Variants in DBT observed in about 807,000 individuals in gnomAD.
The protein encoded by DBT is dihydrolipoamide branched chain transacylase E2.
A neutral mutation model predicts 51.3 loss-of-function variants in DBT; 40 were observed. That is an observed-to-expected ratio of 0.78 (90% confidence interval 0.61 to 1.02). DBT has a LOEUF of 1.02. Among genes scored for constraint, DBT ranks in the 50% least tolerant of loss-of-function variants. DBT has a pLI of 0.00. For missense variants in DBT, 510 were observed against 580.2 expected (o/e 0.88, Z 1.24); for synonymous variants, 181 against 190.4 (o/e 0.95, Z 0.41).
rs183058253 is a variant in DBT, at chr1:100,206,311, A to T, written c.1210-10T>A. Reference sequence around the variant, plus strand: ...CAAAGGTACCACCAATCTATTTTTTAAAAAAAAAAAAAGGAGAGTATTAAA... The same window carrying T: ...CAAAGGTACCACCAATCTATTTTTTTAAAAAAAAAAAAGGAGAGTATTAAA... On this transcript the variant is annotated splice_polypyrimidine_tract_variant and intron_variant, in intron 9 of 10. Coordinates refer to ENST00000370132, the MANE Select transcript of DBT (RefSeq NM_001918.5). The T allele has an allele frequency of 0.077, 72,156 of 940,948 alleles. 649 individuals carry two copies. Among genetic ancestry groups the T allele is most frequent in the South Asian group, 0.099 (5,252 of 52,994 alleles). 58.3% of individuals were successfully genotyped at this position (940,948 alleles called of 1,614,324 possible).
intron 5 of DBT, 128 bp downstream of exon 5, chr1:100,218,498 G>A: frequency 9.4e-7 from 1 of 1,063,542 alleles, no homozygotes; most frequent in Non-Finnish European, 1.4e-6. Flanking sequence ...TTGCTTTTCA[G>A]TAGCAAATAT....
At chr1:100,228,251 T>C (rs1178173880) in intron 4 of DBT, among the ~76,000 whole-genome samples, 1 of 152,166 alleles carries the variant, frequency 6.6e-6, no homozygotes, top group East Asian at 1.9e-4. Context: ...TCCAAAAAGT[T>C]TGACATTCTG....
At chr1:100,249,731 C>T (rs763704134) in intron 1 of DBT, 39 bp downstream of exon 1, 1 of 1,605,636 alleles carries the variant, frequency 6.2e-7, no homozygotes. Context: ...CCGGACAAAT[C>T]ACTCCTTCCC....
At chr1:100,200,200 G>C (rs2100768360) in intron 10 of DBT, among the ~76,000 whole-genome samples, 1 of 152,292 alleles carries the variant, frequency 6.6e-6, no homozygotes, top group Middle Eastern at 3.4e-3. Flanking sequence ...AGTCGACCTG[G>C]GATGCTGGAG....
chr1:100,249,670 C>T (rs1664799148), intron 1 of DBT, 100 bp downstream of exon 1: 1 of 1,148,446 alleles, frequency 8.7e-7, no homozygotes, highest in African/African-American at 1.5e-5. Flanking sequence ...TCACGCGTGC[C>T]CTGGACGCCT....
At chr1:100,217,963 C>T (rs1662597379) in intron 5 of DBT, among the ~76,000 whole-genome samples, 2 of 152,158 alleles carry the variant, frequency 1.3e-5, no homozygotes, top group African/African-American at 4.8e-5. Context: ...TTAAACCCTC[C>T]AAGTCTTAAA....
At chr1:100,210,879 T>C in intron 7 of DBT, 108 bp from the exon 8 acceptor site, 2 of 1,566,152 alleles carry the variant, frequency 1.3e-6, no homozygotes, top group Non-Finnish European at 1.7e-6. Context: ...CTCTTATTTA[T>C]GCTGAGTTTA....
chr1:100,233,997 A>T (rs982731219), intron 3 of DBT, among the ~76,000 whole-genome samples: 3 of 152,230 alleles, frequency 2.0e-5, no homozygotes, highest in Admixed American at 2.0e-4. Context: ...TTGATTTATC[A>T]CGGCTAGCAG....
chr1:100,236,434 T>C (rs893436842), intron 2 of DBT, among the ~76,000 whole-genome samples: 1 of 152,210 alleles, frequency 6.6e-6, no homozygotes, highest in African/African-American at 2.4e-5. Flanking sequence ...GTTAACCATA[T>C]TTGCTTATAA....
chr1:100,222,571 CAG>C (rs1368441858), intron 4 of DBT, among the ~76,000 whole-genome samples: 1 of 152,112 alleles, frequency 6.6e-6, no homozygotes, highest in East Asian at 1.9e-4. Context: ...TTTAACCTCT[CAG>C]AGTCTCAATG....
chr1:100,228,715 G>A lies in DBT; in HGVS notation c.433+2018C>T, dbSNP rs557087124. 3.0e-4 allele frequency among the ~76,000 whole-genome samples: 46 copies of A among 152,232 alleles called. No individual in the cohort carries two copies. In the East Asian group the frequency reaches 3.7e-3, roughly 12 times the overall value. On this transcript the variant is annotated intron_variant, in intron 4 of 10. Coordinates refer to ENST00000370132, the MANE Select transcript of DBT (RefSeq NM_001918.5). The stretch of plus-strand genomic sequence containing the variant: ...GTGGAGGTTGCAGTGAGCTGAGATC[G>A]CACCACTGCACTCCAGCCTGGGTGA...
chr1:100,198,720 G>A (rs1661248818), intron 10 of DBT, among the ~76,000 whole-genome samples: 1 of 152,162 alleles, frequency 6.6e-6, no homozygotes, highest in South Asian at 2.1e-4. Flanking sequence ...GACATACTGT[G>A]TCTTTTTGTT....
intron 7 of DBT, among the ~76,000 whole-genome samples, chr1:100,212,379 T>TA (rs112683701): frequency 0.032 from 4,793 of 150,528 alleles, 277 homozygotes; most frequent in African/African-American, 0.11. Context: ...CTACTAAGAA[T>TA]AAAAAAAAAT....
intron 4 of DBT, among the ~76,000 whole-genome samples, chr1:100,225,702 G>C (rs1200228125): frequency 2.0e-5 from 3 of 151,894 alleles, no homozygotes; most frequent in Non-Finnish European, 4.4e-5. Flanking sequence ...GCACATGCCT[G>C]GAATCCCAGC....
At chr1:100,225,615 A>G (rs917950202) in intron 4 of DBT, among the ~76,000 whole-genome samples, 16 of 152,070 alleles carry the variant, frequency 1.1e-4, no homozygotes, top group Non-Finnish European at 1.9e-4. Context: ...ACTTGAGGCC[A>G]GAAGTTCAAG....
intron 3 of DBT, among the ~76,000 whole-genome samples, chr1:100,235,202 GT>G (rs1663793517): frequency 6.6e-6 from 1 of 152,116 alleles, no homozygotes; most frequent in Non-Finnish European, 1.5e-5. Flanking sequence ...CTACCTGACA[GT>G]TTTAAATCAC....
chr1:100,197,583 G>A (rs1196886177), intron 10 of DBT, among the ~76,000 whole-genome samples: 1 of 152,196 alleles, frequency 6.6e-6, no homozygotes, highest in African/African-American at 2.4e-5. Context: ...ATAAAGAAAA[G>A]CGGTGAGAAC....
At chr1:100,234,903 A>T (rs1256925431) in intron 3 of DBT, among the ~76,000 whole-genome samples, 1 of 152,222 alleles carries the variant, frequency 6.6e-6, no homozygotes, top group Non-Finnish European at 1.5e-5. Context: ...TACTCATCTT[A>T]ACTGCCACTT....
chr1:100,228,994 A>G (rs573290419), intron 4 of DBT, among the ~76,000 whole-genome samples: 1 of 152,262 alleles, frequency 6.6e-6, no homozygotes, highest in South Asian at 2.1e-4. Context: ...ACTTTCTGCA[A>G]TGCACCCCTC....
Sources: allele counts gnomAD v4.1 joint callset (sites outside exome capture counted in the v4.1 genomes callset), GRCh38; gene constraint gnomAD v4.1.1; transcripts MANE v1.5; gene names NCBI Gene and HGNC (gene_info 2026-07-23, HGNC 2026-07-21).